The following XKR9 variants were observed in gnomAD, a reference collection of about 807,000 sequenced individuals.
The protein encoded by XKR9 is XK related 9.
XKR9 carries 32 observed loss-of-function variants against 32.0 expected under a neutral mutation model. The observed-to-expected ratio is 1.00, with a 90% CI of 0.76 to 1.34. The LOEUF (loss-of-function observed/expected upper bound fraction) is 1.34. XKR9 is among the 40% of genes most tolerant of loss of function. XKR9 has a pLI of 0.00. For missense variants in XKR9, 546 were observed against 429.7 expected (o/e 1.27, Z -2.39); for synonymous variants, 168 against 143.4 (o/e 1.17, Z -1.22).
the XKR9 span, among the ~76,000 whole-genome samples, chr8:70,919,756 T>G: frequency 6.6e-6 from 1 of 152,154 alleles, no homozygotes; most frequent in Non-Finnish European, 1.5e-5. Flanking sequence ...TCAGGAACTG[T>G]CTGTATGCAG....
the XKR9 span, among the ~76,000 whole-genome samples, chr8:70,852,937 A>G: frequency 6.6e-6 from 1 of 152,170 alleles, no homozygotes; most frequent in South Asian, 2.1e-4. Context: ...CCACCATGGC[A>G]CATGTATGCC....
At chr8:71,015,887 C>T in the XKR9 span, among the ~76,000 whole-genome samples, 2 of 151,992 alleles carry the variant, frequency 1.3e-5, no homozygotes, top group Non-Finnish European at 2.9e-5. Flanking sequence ...ATCAAAAATA[C>T]TTTACAATGA....
At chr8:70,745,979 T>C (rs1049513464) in intron 2 of XKR9, among the ~76,000 whole-genome samples, 1 of 152,208 alleles carries the variant, frequency 6.6e-6, no homozygotes. Context: ...TATACATGTC[T>C]TTGGGGTTAA....
At chr8:70,764,621 T>C (rs1362779846) in intron 2 of XKR9, among the ~76,000 whole-genome samples, 1 of 152,190 alleles carries the variant, frequency 6.6e-6, no homozygotes, top group East Asian at 1.9e-4. Context: ...CTTTAAATTC[T>C]GGGGTACATG....
chr8:70,794,166 G>A (rs1359241529), downstream of XKR9, among the ~76,000 whole-genome samples: 2 of 152,018 alleles, frequency 1.3e-5, no homozygotes, highest in Non-Finnish European at 2.9e-5. Context: ...TTCATTGCCA[G>A]TGTGTTGAAA....
chr8:70,955,906 C>A, the XKR9 span, among the ~76,000 whole-genome samples: 1 of 152,226 alleles, frequency 6.6e-6, no homozygotes, highest in Non-Finnish European at 1.5e-5. Context: ...AGATGTACTA[C>A]AAGCCACTTC....
At chr8:70,730,801 G>A (rs1283057611) in intron 4 of XKR9, among the ~76,000 whole-genome samples, 1 of 152,196 alleles carries the variant, frequency 6.6e-6, no homozygotes, top group Non-Finnish European at 1.5e-5. Flanking sequence ...ACAGCATTGA[G>A]CAGTTTCTAT....
intron 3 of XKR9, among the ~76,000 whole-genome samples, chr8:70,704,285 A>C (rs900261461): frequency 6.6e-6 from 1 of 152,164 alleles, no homozygotes; most frequent in Non-Finnish European, 1.5e-5. Context: ...TTTTTCCATG[A>C]AATTACCCTC....
chr8:71,042,028 T>G, the XKR9 span, among the ~76,000 whole-genome samples: 1 of 151,978 alleles, frequency 6.6e-6, no homozygotes, highest in African/African-American at 2.4e-5. Flanking sequence ...TGCCATAGCA[T>G]TGGGAGGGAG....
chr8:71,001,787 C>T, the XKR9 span, among the ~76,000 whole-genome samples: 1 of 152,048 alleles, frequency 6.6e-6, no homozygotes, highest in Non-Finnish European at 1.5e-5. Flanking sequence ...TAGTGTTATG[C>T]AAATATGTAA....
intron 3 of XKR9, among the ~76,000 whole-genome samples, chr8:70,702,471 C>G (rs1056376271): frequency 6.6e-6 from 1 of 152,084 alleles, no homozygotes; most frequent in Non-Finnish European, 1.5e-5. Flanking sequence ...TTATCAATGT[C>G]CTTATTGATA....
At chr8:70,781,088 A>T (rs562371966) in intron 2 of XKR9, 43 of 152,054 alleles carry the variant, frequency 2.8e-4, no homozygotes, top group Admixed American at 1.8e-3. Flanking sequence ...TTTTCTTTTT[A>T]AAAAAATTAT....
the XKR9 span, among the ~76,000 whole-genome samples, chr8:70,918,767 C>CATT: frequency 1.1e-5 from 1 of 87,814 alleles, no homozygotes; most frequent in Non-Finnish European, 2.5e-5. Context: ...ATCATGGGAT[C>CATT]CTTTTTTTTT....
chr8:71,050,236 G>GATATAT, the XKR9 span, among the ~76,000 whole-genome samples: 2,564 of 123,224 alleles, frequency 0.021, 47 homozygotes, highest in Middle Eastern at 0.068. Context: ...GCCTGGCAGA[G>GATATAT]ATATATATAT....
intron 4 of XKR9, among the ~76,000 whole-genome samples, chr8:70,716,808 T>A (rs1806109467): frequency 6.6e-6 from 1 of 152,134 alleles, no homozygotes; most frequent in African/African-American, 2.4e-5. Context: ...AGCTTTAACC[T>A]AAAAGTCCAA....
chr8:70,919,653 C>G, the XKR9 span, among the ~76,000 whole-genome samples: 1 of 152,144 alleles, frequency 6.6e-6, no homozygotes, highest in African/African-American at 2.4e-5. Context: ...TTTCCCTGCC[C>G]TATCACAGTG....
chr8:71,037,005 C>T, the XKR9 span, among the ~76,000 whole-genome samples: 11 of 151,906 alleles, frequency 7.2e-5, no homozygotes, highest in Admixed American at 1.3e-4. Context: ...TGAGCCACCA[C>T]GCCTGGCCCT....
the XKR9 span, among the ~76,000 whole-genome samples, chr8:70,948,421 T>C: frequency 6.6e-6 from 1 of 152,142 alleles, no homozygotes; most frequent in Non-Finnish European, 1.5e-5. Flanking sequence ...ATTGAATCAA[T>C]TCAGGTTAAT....
chr8:70,717,615 G>T (rs935462850), intron 4 of XKR9, among the ~76,000 whole-genome samples: 1 of 152,090 alleles, frequency 6.6e-6, no homozygotes, highest in East Asian at 1.9e-4. Flanking sequence ...GGGGCTCCTG[G>T]GTCCAGCCTA....
Sources: gnomAD v4.1 joint callset for allele counts (sites outside exome capture counted in the v4.1 genomes callset) on GRCh38, gnomAD v4.1.1 for gene constraint, MANE v1.5 for transcripts, NCBI Gene and HGNC (gene_info 2026-07-23, HGNC 2026-07-21) for gene names.